The following RCC2 variants were observed in gnomAD, a reference collection of about 807,000 sequenced individuals.
The protein encoded by RCC2 is regulator of chromosome condensation 2.
RCC2 carries 19 observed loss-of-function variants against 64.1 expected under a neutral mutation model. The ratio of observed to expected loss-of-function variants is 0.30; its 90% confidence interval spans 0.21 to 0.44. RCC2 has a LOEUF of 0.44. RCC2 is among the 20% of genes least tolerant of loss of function. The probability of loss-of-function intolerance (pLI) is 1.00; values close to 1 mark genes in which losing one functional copy is unlikely to be tolerated. For missense variants in RCC2, 508 were observed against 710.4 expected (o/e 0.72, Z 3.24); for synonymous variants, 325 against 279.6 (o/e 1.16, Z -1.62).
intron 3 of RCC2, among the ~76,000 whole-genome samples, chr1:17,428,641 T>TC (rs2075644288): frequency 6.6e-6 from 1 of 152,116 alleles, no homozygotes; most frequent in Non-Finnish European, 1.5e-5. Flanking sequence ...CTCTCTGCTT[T>TC]CCCCCGCTCC....
intron 11 of RCC2, among the ~76,000 whole-genome samples, chr1:17,410,882 TTC>T (rs1192352334): frequency 1.3e-5 from 2 of 152,338 alleles, no homozygotes; most frequent in South Asian, 2.1e-4. Context: ...CAAAGTCTAT[TTC>T]TGATAGGCCC....
intron 2 of RCC2, among the ~76,000 whole-genome samples, chr1:17,432,668 G>A (rs1026333131): frequency 6.6e-6 from 1 of 152,260 alleles, no homozygotes; most frequent in African/African-American, 2.4e-5. Flanking sequence ...GACAGCCAGA[G>A]CTTAACCGCA....
rs1286425330 is a variant in RCC2 at position 17,413,084 on chromosome 1, G to A, written c.1302C>T (p.Ser434=). The A allele has an allele frequency of 2.5e-6, 4 of 1,613,090 alleles. No individual in the cohort carries two copies. Among genetic ancestry groups the A allele is most frequent in the Non-Finnish European group, 3.4e-6 (4 of 1,179,414 alleles). ...ATGCTGCCACCTACCCACAAGCCAG[G>A]CTCCGGATTCTCCAGCCGCAGAGGT... ...VQDLCGWRIR[S]LACGKSSIIV... Residue 434 remains serine, a synonymous_variant, in exon 10 of 13, where the codon AGC becomes AGT. Coordinates refer to ENST00000375436, the MANE Select transcript of RCC2 (RefSeq NM_018715.4).
chr1:17,424,538 G>A (rs900700776), intron 4 of RCC2, among the ~76,000 whole-genome samples: 3 of 152,154 alleles, frequency 2.0e-5, no homozygotes, highest in African/African-American at 7.2e-5. Context: ...AGACTATAAA[G>A]TATAAATTTG....
chr1:17,431,115 G>A (rs954070161), intron 2 of RCC2, among the ~76,000 whole-genome samples: 1 of 150,472 alleles, frequency 6.6e-6, no homozygotes, highest in Non-Finnish European at 1.5e-5. Context: ...AGCAGATCAC[G>A]AGGTCAGGAG....
chr1:17,432,256 T>C (rs1278613293), intron 2 of RCC2, among the ~76,000 whole-genome samples: 1 of 152,182 alleles, frequency 6.6e-6, no homozygotes, highest in Non-Finnish European at 1.5e-5. Flanking sequence ...TTCCCCTGGT[T>C]ATCTGCCCTT....
intron 11 of RCC2, 26 bp downstream of exon 11, chr1:17,412,096 C>T: frequency 6.2e-7 from 1 of 1,612,812 alleles, no homozygotes; most frequent in Non-Finnish European, 8.5e-7. Context: ...TTCCACTTCC[C>T]CTGACCCGCA....
intron 11 of RCC2, among the ~76,000 whole-genome samples, chr1:17,411,580 CAAA>C (rs56163231): frequency 7.8e-5 from 5 of 63,978 alleles, no homozygotes; most frequent in Admixed American, 3.8e-4. Context: ...AACTCCATCT[CAAA>C]AAAAAAAAAA....
At chr1:17,420,578 T>A in intron 7 of RCC2, 136 bp downstream of exon 7, 1 of 512,418 alleles carries the variant, frequency 2.0e-6, no homozygotes, top group South Asian at 4.2e-5. Flanking sequence ...GAACGTGAGA[T>A]CCACTTAACG....
chr1:17,416,698 T>A, intron 7 of RCC2, 52 bp from the exon 8 acceptor site: 1 of 1,563,812 alleles, frequency 6.4e-7, no homozygotes. Context: ...ACAAGGGACG[T>A]GTCAGTGTGC....
rs974041907 is a variant in RCC2 at position 17,411,644 on chromosome 1, G to A, written c.1386+478C>T. ...CTAAGAATGAAAGACATTTGTTTGC[G>A]GAAGGCCACGTGTGTGAAATTGAGG... On this transcript the variant is annotated intron_variant, in intron 11 of 12. Transcript: ENST00000375436. Among the ~76,000 whole-genome samples the A allele has an allele frequency of 2.3e-4, 35 of 151,620 alleles. 1 individual carries two copies. The highest frequency in any genetic ancestry group is 7.8e-4 in the African/African-American group (32 of 41,256).
intron 2 of RCC2, among the ~76,000 whole-genome samples, chr1:17,430,461 C>G (rs1014296024): frequency 7.3e-6 from 1 of 137,014 alleles, no homozygotes; most frequent in Non-Finnish European, 1.5e-5. Context: ...TGCTCTCCAG[C>G]TTAGGTGACA....
Position 17,422,208 on chromosome 1 carries a change from C to T in RCC2, c.739G>A (p.Ala247Thr). The change falls in exon 6 of 13, where the codon GCG becomes ACG. Residue 247 changes from alanine (A) to threonine (T), a missense_variant. Coordinates refer to ENST00000375436, the MANE Select transcript of RCC2 (RefSeq NM_018715.4). ...CGGAGCTGAGGAGGGGTCACCTGCG[C>T]GGGGCTGGGAACAGCGTCTGTCTGG... is the stretch of plus-strand genomic sequence containing the variant. Reference protein sequence around the residue: ...GNQTDAVPSPAQIMYNGQPIT... With the variant: ...GNQTDAVPSPTQIMYNGQPIT... The T allele has an allele frequency of 3.1e-6, 5 of 1,609,108 alleles. No individual in the cohort carries two copies. The highest frequency in any genetic ancestry group is 2.2e-5 in the East Asian group (1 of 44,756).
chr1:17,430,920 G>T (rs961307052), intron 2 of RCC2, among the ~76,000 whole-genome samples: 1 of 151,908 alleles, frequency 6.6e-6, no homozygotes, highest in Non-Finnish European at 1.5e-5. Context: ...GTTTCACTAT[G>T]TTGGCCAGGC....
intron 7 of RCC2, 40 bp from the exon 8 acceptor site, chr1:17,416,686 G>A (rs943373710): frequency 5.1e-6 from 8 of 1,582,228 alleles, no homozygotes; most frequent in South Asian, 2.3e-5. Flanking sequence ...AGCAGCACAA[G>A]CACAAGGGAC....
chr1:17,438,484 AG>A lies in RCC2; in HGVS notation c.30del (p.Trp11GlyfsTer97), dbSNP rs35335608. The A allele has an allele frequency of 7.5e-7, 1 of 1,341,954 alleles. No individual in the cohort carries two copies. The highest frequency in any genetic ancestry group is 2.1e-5 in the South Asian group (1 of 47,384). The allele number at this position is 1,341,954 out of a possible 1,614,324, so 83.1% of individuals were successfully genotyped here. A position where few individuals can be genotyped will look rare whatever the true frequency, so the allele number is the denominator to read the frequency against. ...CCGTTGCCCGAGCTCGGCTCCTCCC[AG>A]GCCGCCGCCGCCGCCTTCTTCCTGG... Reference protein sequence around the residue: MPRKKAAAAAWEEPSSGNGT... With the variant: MPRKKAAAAXWEEPSSGNGT... On this transcript the variant is annotated frameshift_variant, in exon 2 of 13. Coordinates refer to ENST00000375436, the MANE Select transcript of RCC2 (RefSeq NM_018715.4). LOFTEE classifies it high-confidence loss of function.
At chr1:17,422,987 G>T (rs536584133) in intron 4 of RCC2, 151 bp from the exon 5 acceptor site, 2 of 1,021,920 alleles carry the variant, frequency 2.0e-6, no homozygotes, top group East Asian at 5.2e-5. Flanking sequence ...CCAGAGCAAA[G>T]AACGCCCCGG....
At position 17,411,988 on chromosome 1, in the gene RCC2, C is replaced by T. The variant is rs1456803894; in HGVS notation, c.1386+134G>A. On this transcript the variant is annotated intron_variant, in intron 11 of 12. Transcript: ENST00000375436. ...TCATGGGACTCAATCGTGTTGCAAA[C>T]CTTAATACAATAAGGGGGGAATCCC... is the stretch of plus-strand genomic sequence containing the variant. 6.4e-6 allele frequency: 5 copies of T among 779,078 alleles called. No individual in the cohort carries two copies. In the African/African-American group the frequency reaches 7.0e-5, roughly 11 times the overall value. The allele number at this position is 779,078 out of a possible 1,614,324, so 48.3% of individuals were successfully genotyped here. A position where few individuals can be genotyped will look rare whatever the true frequency, so the allele number is the denominator to read the frequency against.
chr1:17,416,275 G>A (rs2075483374), intron 8 of RCC2, among the ~76,000 whole-genome samples: 1 of 152,114 alleles, frequency 6.6e-6, no homozygotes, highest in South Asian at 2.1e-4. Flanking sequence ...TAAATCACGG[G>A]AGAAGTTAAC....
Sources: allele counts gnomAD v4.1 joint callset (sites outside exome capture counted in the v4.1 genomes callset), GRCh38; gene constraint gnomAD v4.1.1; transcripts MANE v1.5; gene names NCBI Gene and HGNC (gene_info 2026-07-23, HGNC 2026-07-21).